The following RGS6 variants were observed in gnomAD, a reference collection of about 807,000 sequenced individuals.
The protein encoded by RGS6 is regulator of G protein signaling 6.
RGS6 carries 30 observed loss-of-function variants against 78.5 expected under a neutral mutation model. The observed-to-expected ratio is 0.38, with a 90% CI of 0.29 to 0.52. The LOEUF (loss-of-function observed/expected upper bound fraction) is 0.52, where lower values mean the gene tolerates loss of function less well. RGS6 is among the 20% of genes least tolerant of loss of function. RGS6 has a pLI of 0.85. For synonymous variants in RGS6, 206 were observed against 206.0 expected (o/e 1.00, Z 0.00); for missense variants, 495 against 609.7 (o/e 0.81, Z 1.98).
intron 2 of RGS6, among the ~76,000 whole-genome samples, chr14:72,285,484 G>A (rs115464620): frequency 7.6e-4 from 116 of 152,112 alleles, no homozygotes; most frequent in Non-Finnish European, 1.2e-3. Context: ...GCCTTCCACC[G>A]TCATCATGTG....
the RGS6 span, among the ~76,000 whole-genome samples, chr14:72,571,786 AAAC>A: frequency 2.0e-5 from 3 of 147,304 alleles, no homozygotes; most frequent in African/African-American, 7.9e-5. Flanking sequence ...CTAAAAATGA[AAAC>A]AACAAAAGAA....
At chr14:72,492,981 CT>C (rs2096598087) in intron 12 of RGS6, among the ~76,000 whole-genome samples, 2 of 152,118 alleles carry the variant, frequency 1.3e-5, no homozygotes, top group Admixed American at 1.3e-4. Context: ...TTGCCAATGC[CT>C]GCCCTAGGGA....
intron 3 of RGS6, among the ~76,000 whole-genome samples, chr14:72,356,937 T>C (rs1176709428): frequency 2.0e-5 from 3 of 152,164 alleles, no homozygotes; most frequent in Non-Finnish European, 1.5e-5. Context: ...ATACCGTAAA[T>C]TGTTACTAGG....
At chr14:72,250,522 G>C (rs1032128152) in intron 2 of RGS6, among the ~76,000 whole-genome samples, 3 of 151,942 alleles carry the variant, frequency 2.0e-5, no homozygotes, top group African/African-American at 7.3e-5. Flanking sequence ...TGAGAAAGAA[G>C]GGGAAAATAT....
chr14:72,013,147 T>A (rs531941204), intron 2 of RGS6, among the ~76,000 whole-genome samples: 2 of 151,748 alleles, frequency 1.3e-5, no homozygotes, highest in South Asian at 4.2e-4. Flanking sequence ...GGTACGTGCC[T>A]GTAATGCCAA....
At chr14:72,470,784 CAGG>C (rs2096056674) in intron 8 of RGS6, among the ~76,000 whole-genome samples, 1 of 150,436 alleles carries the variant, frequency 6.6e-6, no homozygotes, top group Admixed American at 6.7e-5. Context: ...GAGGCTGAGG[CAGG>C]AGAATTGCTT....
the RGS6 span, among the ~76,000 whole-genome samples, chr14:71,914,096 C>A: frequency 6.6e-6 from 1 of 152,140 alleles, no homozygotes; most frequent in East Asian, 1.9e-4. Context: ...ATTACATGTG[C>A]CGTGCGCCCT....
At chr14:72,272,665 C>A (rs2060117524) in intron 2 of RGS6, among the ~76,000 whole-genome samples, 1 of 152,208 alleles carries the variant, frequency 6.6e-6, no homozygotes, top group African/African-American at 2.4e-5. Flanking sequence ...GCCCCATCAT[C>A]CTGTCCTTGA....
intron 2 of RGS6, among the ~76,000 whole-genome samples, chr14:72,241,840 G>T (rs138966811): frequency 6.6e-6 from 1 of 152,158 alleles, no homozygotes; most frequent in African/African-American, 2.4e-5. Context: ...AGGAAATGAC[G>T]CCAATTTCCA....
At chr14:71,994,665 C>T (rs7147828) in intron 2 of RGS6, among the ~76,000 whole-genome samples, 2,815 of 151,924 alleles carry the variant, frequency 0.019, 30 homozygotes, top group African/African-American at 0.021. Flanking sequence ...CCAATTTGGC[C>T]GTCACACTGG....
the RGS6 span, among the ~76,000 whole-genome samples, chr14:71,890,411 G>A: frequency 7.2e-6 from 1 of 138,810 alleles, no homozygotes; most frequent in South Asian, 2.3e-4. Flanking sequence ...TCTAGAGGCT[G>A]AGCTAGCATC....
chr14:72,177,887 C>T (rs577439341), intron 2 of RGS6, among the ~76,000 whole-genome samples: 33 of 152,290 alleles, frequency 2.2e-4, no homozygotes, highest in South Asian at 1.0e-3. Flanking sequence ...CGAGAGAATA[C>T]GAAAATGTGT....
At chr14:72,165,208 T>C (rs897633178) in intron 2 of RGS6, among the ~76,000 whole-genome samples, 64 of 152,200 alleles carry the variant, frequency 4.2e-4, no homozygotes, top group Non-Finnish European at 1.2e-4. Context: ...AAAGTCAGCA[T>C]AATGCGTATG....
intron 2 of RGS6, among the ~76,000 whole-genome samples, chr14:72,286,363 T>C (rs1031721951): frequency 6.6e-6 from 1 of 152,230 alleles, no homozygotes; most frequent in Non-Finnish European, 1.5e-5. Flanking sequence ...GTTCCATTGA[T>C]CTATATGTCT....
intron 2 of RGS6, among the ~76,000 whole-genome samples, chr14:72,260,476 A>G (rs1035630245): frequency 1.3e-5 from 2 of 152,342 alleles, no homozygotes; most frequent in African/African-American, 4.8e-5. Flanking sequence ...AGCCACCATC[A>G]CAGCTCTAGC....
the RGS6 span, among the ~76,000 whole-genome samples, chr14:72,624,366 T>A: frequency 7.9e-6 from 1 of 126,978 alleles, no homozygotes; most frequent in East Asian, 2.3e-4. Flanking sequence ...TGAGACAGAG[T>A]CTCACTCTGT....
At chr14:72,355,901 G>A (rs2080163829) in intron 3 of RGS6, among the ~76,000 whole-genome samples, 1 of 152,176 alleles carries the variant, frequency 6.6e-6, no homozygotes, top group African/African-American at 2.4e-5. Context: ...CTGTGAGGAG[G>A]AGCCAGGGCA....
At chr14:72,238,908 C>T (rs1306407029) in intron 2 of RGS6, among the ~76,000 whole-genome samples, 4 of 152,178 alleles carry the variant, frequency 2.6e-5, no homozygotes, top group Admixed American at 1.3e-4. Flanking sequence ...TTAGGCAGCC[C>T]GGTTGTTACC....
At chr14:72,469,072 G>A (rs2096004283) in intron 7 of RGS6, among the ~76,000 whole-genome samples, 1 of 152,064 alleles carries the variant, frequency 6.6e-6, no homozygotes, top group African/African-American at 2.4e-5. Flanking sequence ...CCATCCTCAT[G>A]TTCCATTAGG....
Sources: gnomAD v4.1 joint callset for allele counts (sites outside exome capture counted in the v4.1 genomes callset) on GRCh38, gnomAD v4.1.1 for gene constraint, MANE v1.5 for transcripts, NCBI Gene and HGNC (gene_info 2026-07-23, HGNC 2026-07-21) for gene names.